LPXN: variants seen among roughly 807,000 people sequenced by gnomAD.
The protein encoded by LPXN is leupaxin.
In LPXN, 28 loss-of-function variants were observed where a neutral mutation model predicts 45.6. That is an observed-to-expected ratio of 0.61 (90% CI 0.45 to 0.84). LPXN has a LOEUF of 0.84. Among genes scored for constraint, LPXN ranks in the 40% least tolerant of loss-of-function variants. LPXN has a pLI of 0.00. For synonymous variants in LPXN, 166 were observed against 169.9 expected (o/e 0.98, Z 0.18); for missense variants, 459 against 475.0 (o/e 0.97, Z 0.31).
intron 4 of LPXN, among the ~76,000 whole-genome samples, chr11:58,553,662 C>A (rs1565196054): frequency 1.3e-5 from 2 of 152,136 alleles, no homozygotes; most frequent in Non-Finnish European, 2.9e-5. Context: ...CCTGCCCTCT[C>A]CAATCATATA....
intron 7 of LPXN, among the ~76,000 whole-genome samples, chr11:58,532,388 CG>C (rs1700515238): frequency 6.6e-6 from 1 of 152,242 alleles, no homozygotes; most frequent in Non-Finnish European, 1.5e-5. Flanking sequence ...ATCCACTAGG[CG>C]AAGCCAGCTG....
intron 7 of LPXN, among the ~76,000 whole-genome samples, chr11:58,537,337 A>G (rs181127446): frequency 2.1e-3 from 326 of 152,364 alleles, no homozygotes; most frequent in African/African-American, 7.3e-3. Context: ...AGCCATAAAA[A>G]AGAATGAGTT....
chr11:58,527,949 G>C, intron 8 of LPXN, 94 bp downstream of exon 8: 1 of 1,403,928 alleles, frequency 7.1e-7, no homozygotes, highest in South Asian at 1.3e-5. Flanking sequence ...TCCTCATTCA[G>C]GACTGTGAAC....
chr11:58,554,999 C>A (rs1025665363), intron 3 of LPXN, 59 bp from the exon 4 acceptor site: 7 of 1,115,208 alleles, frequency 6.3e-6, no homozygotes, highest in South Asian at 1.3e-5. Flanking sequence ...AATGTTAAAC[C>A]ACACATAAAG....
chr11:58,559,866 A>G (rs1386602445), intron 3 of LPXN, among the ~76,000 whole-genome samples: 1 of 152,012 alleles, frequency 6.6e-6, no homozygotes. Context: ...ATAGAGACAG[A>G]CCCTATCTCA....
upstream of LPXN, among the ~76,000 whole-genome samples, chr11:58,577,763 C>A (rs951340517): frequency 6.6e-6 from 1 of 152,068 alleles, no homozygotes; most frequent in Non-Finnish European, 1.5e-5. Context: ...CGGTGTAGGT[C>A]ACCAGTCATG....
chr11:58,548,529 A>G (rs1043824462), intron 7 of LPXN, among the ~76,000 whole-genome samples: 2 of 152,198 alleles, frequency 1.3e-5, no homozygotes, highest in Admixed American at 6.5e-5. Flanking sequence ...GTTCTGTTGC[A>G]TAACTTAGTG....
Position 58,527,358 on chromosome 11 carries a change from T to C in LPXN, c.*96A>G, listed in dbSNP as rs903342483. 61 of 1,294,904 alleles carry C rather than the reference T, an allele frequency of 4.7e-5. No homozygotes were observed. The highest frequency in any genetic ancestry group is 6.2e-5 in the Non-Finnish European group (57 of 916,004). 80.2% of individuals were successfully genotyped at this position (1,294,904 alleles called of 1,614,324 possible). On this transcript the variant is annotated 3_prime_UTR_variant, in exon 9 of 9. Transcript: ENST00000395074. ...CACCTTTCCTTTTTCTATAAGACTA[T>C]TAAGCAGAAGGTCAGTAACAGAAAA...
At chr11:58,575,729 C>T in intron 1 of LPXN, 31 bp downstream of exon 1, 1 of 1,614,026 alleles carries the variant, frequency 6.2e-7, no homozygotes. Flanking sequence ...TCTTCACTCC[C>T]TCAGAGTTTC....
chr11:58,528,118 GCCA>G lies in LPXN; in HGVS notation c.813_815del (p.Gly272del), dbSNP rs771670875. The G allele has an allele frequency of 4.3e-6, 7 of 1,614,092 alleles. No homozygotes were observed. Among genetic ancestry groups the G allele is most frequent in the Non-Finnish European group, 5.9e-6 (7 of 1,180,030 alleles). On this transcript the variant is annotated inframe_deletion, in exon 8 of 9. Transcript: ENST00000395074. ...AGTTTTCCAACACTGGGCGATTGCA[GCCA>G]CCACACTTGGGTGAGAACATGGCTA...
intron 3 of LPXN, among the ~76,000 whole-genome samples, chr11:58,558,540 C>CAAAAAA (rs35870490): frequency 6.0e-4 from 29 of 47,984 alleles, no homozygotes; most frequent in Admixed American, 9.5e-4. Context: ...GAGACCCTGT[C>CAAAAAA]AAAAAAAAAA....
At position 58,533,143 on chromosome 11, in the gene LPXN, C is replaced by T. The variant is rs190654689; in HGVS notation, c.743-4952G>A. On this transcript the variant is annotated intron_variant, in intron 7 of 8. Transcript: ENST00000395074. ...TCTGAACATCAGAAGGAACAAACTC[C>T]GGACACACCATCTTTAAGAACTGTA... Among the ~76,000 whole-genome samples the T allele has an allele frequency of 4.2e-3, 640 of 152,288 alleles. 2 individuals carry two copies. The highest frequency in any genetic ancestry group is 7.1e-3 in the Admixed American group (109 of 15,300).
At chr11:58,549,683 G>A in intron 7 of LPXN, 103 bp downstream of exon 7, 2 of 867,456 alleles carry the variant, frequency 2.3e-6, no homozygotes, top group Non-Finnish European at 3.8e-6. Context: ...CACTTTGATA[G>A]TACTGATAGG....
chr11:58,555,714 C>T (rs1283497428), intron 3 of LPXN, among the ~76,000 whole-genome samples: 1 of 151,442 alleles, frequency 6.6e-6, no homozygotes, highest in African/African-American at 2.4e-5. Context: ...ACTGAATTTT[C>T]AAACCAGTTA....
intron 7 of LPXN, among the ~76,000 whole-genome samples, chr11:58,530,366 G>A (rs1853351548): frequency 6.6e-6 from 1 of 152,200 alleles, no homozygotes; most frequent in Admixed American, 6.5e-5. Context: ...GGTGGAGGGA[G>A]AAGCATCCAC....
At chr11:58,533,610 A>T (rs530041725) in intron 7 of LPXN, among the ~76,000 whole-genome samples, 1 of 152,190 alleles carries the variant, frequency 6.6e-6, no homozygotes, top group Non-Finnish European at 1.5e-5. Context: ...GAAACTGTTC[A>T]TAACAGTTCT....
chr11:58,540,343 A>T (rs1484975547), intron 7 of LPXN, among the ~76,000 whole-genome samples: 1 of 152,322 alleles, frequency 6.6e-6, no homozygotes, highest in East Asian at 1.9e-4. Context: ...CAATGCACTG[A>T]CCTTGCTGAG....
intron 2 of LPXN, among the ~76,000 whole-genome samples, chr11:58,567,828 T>C (rs1375141479): frequency 6.6e-6 from 1 of 152,208 alleles, no homozygotes; most frequent in East Asian, 1.9e-4. Flanking sequence ...TGTTTTGAGC[T>C]AACTGCTGAA....
At chr11:58,559,417 G>A (rs1854305575) in intron 3 of LPXN, among the ~76,000 whole-genome samples, 1 of 152,068 alleles carries the variant, frequency 6.6e-6, no homozygotes, top group South Asian at 2.1e-4. Flanking sequence ...CATTTTCTAT[G>A]AGCAAATTGG....
Sources: allele counts gnomAD v4.1 joint callset (sites outside exome capture counted in the v4.1 genomes callset), GRCh38; gene constraint gnomAD v4.1.1; transcripts MANE v1.5; gene names NCBI Gene and HGNC (gene_info 2026-07-23, HGNC 2026-07-21).